The following TMEM63C variants were observed in gnomAD, a reference collection of about 807,000 sequenced individuals.
TMEM63C encodes the protein transmembrane protein 63C.
A neutral mutation model predicts 99.2 loss-of-function variants in TMEM63C; 32 were observed. The ratio of observed to expected loss-of-function variants is 0.32; its 90% CI spans 0.24 to 0.43. The LOEUF is 0.43. TMEM63C is among the 20% of genes least tolerant of loss of function. The pLI, the probability that TMEM63C is intolerant of heterozygous loss-of-function variation, is 1.00. For missense variants in TMEM63C, 826 were observed against 1,053.0 expected (o/e 0.78, Z 2.98); for synonymous variants, 376 against 397.9 (o/e 0.94, Z 0.66).
chr14:77,247,912 C>T (rs1035680596), intron 18 of TMEM63C, among the ~76,000 whole-genome samples: 1 of 152,136 alleles, frequency 6.6e-6, no homozygotes, highest in Non-Finnish European at 1.5e-5. Flanking sequence ...GCCGTATTGC[C>T]CACATTCTTA....
intron 8 of TMEM63C, 113 bp downstream of exon 8, chr14:77,233,613 G>A: frequency 9.1e-7 from 1 of 1,103,774 alleles, no homozygotes; most frequent in Non-Finnish European, 1.3e-6. Context: ...AGAAAGGCCT[G>A]GTTTCCCTGG....
In TMEM63C at chr14:77,240,619, G is replaced by A. The variant is rs1889151197; in HGVS notation, c.1064+11G>A. 6.2e-7 allele frequency: 1 copy of A among 1,606,332 alleles called. No homozygotes were observed. The highest frequency in any genetic ancestry group is 8.5e-7 in the Non-Finnish European group (1 of 1,179,654). Reference sequence around the variant, plus strand: ...CAGGATGGCCAAGCGGTGAGCACCAGGCAGGCGCCCCACCCAGCCCCAAGC... The same window carrying A: ...CAGGATGGCCAAGCGGTGAGCACCAAGCAGGCGCCCCACCCAGCCCCAAGC... On this transcript the variant is annotated intron_variant, in intron 13 of 23. Coordinates refer to ENST00000298351, the MANE Select transcript of TMEM63C (RefSeq NM_020431.4).
chr14:77,195,628 C>T lies in TMEM63C; in HGVS notation c.-77+13734C>T, dbSNP rs118018990. Among the ~76,000 whole-genome samples the T allele has an allele frequency of 6.3e-4, 96 of 152,286 alleles. No individual in the cohort carries two copies. The East Asian group carries it at 0.018, about 29-fold the overall frequency. ...ATGTGTATGACCCCTTTGACCTCCC[C>T]CAGCTCAACCCTGCTGGCATTGTCT... On this transcript the variant is annotated intron_variant, in intron 1 of 23. Coordinates refer to ENST00000298351, the MANE Select transcript of TMEM63C (RefSeq NM_020431.4).
intron 1 of TMEM63C, among the ~76,000 whole-genome samples, chr14:77,194,495 T>TTC (rs1256962363): frequency 0.012 from 368 of 30,198 alleles, 5 homozygotes; most frequent in African/African-American, 0.048. Flanking sequence ...TATTTCTTTT[T>TTC]TCTTTCTTTC....
intron 13 of TMEM63C, 90 bp downstream of exon 13, chr14:77,240,698 G>T: frequency 3.3e-6 from 5 of 1,505,164 alleles, no homozygotes; most frequent in Non-Finnish European, 4.5e-6. Flanking sequence ...TTCCCCTTCT[G>T]CCTCCCCTGG....
Position 77,218,943 on chromosome 14 carries a change from C to G in TMEM63C, c.130C>G (p.Leu44Val). The G allele has an allele frequency of 1.3e-6, 2 of 1,599,948 alleles. No individual in the cohort carries two copies. Among genetic ancestry groups the G allele is most frequent in the Non-Finnish European group, 1.7e-6 (2 of 1,173,270 alleles). Reference sequence around the variant, plus strand: ...TGGGGGTGTCCCCACCGTGCTGTGCCTCAACATCGCCCTGTGGGTGGTGAG... The same window carrying G: ...TGGGGGTGTCCCCACCGTGCTGTGCGTCAACATCGCCCTGTGGGTGGTGAG... ...PFGGVPTVLC[L>V]NIALWVLVLV... Residue 44 changes from leucine to valine, a missense_variant, in exon 3 of 24, where the codon CTC (leucine) becomes GTC (valine). Transcript: ENST00000298351.
Position 77,256,813 on chromosome 14 carries a change from C to A in TMEM63C, c.*87C>A. The A allele has an allele frequency of 8.0e-7, 1 of 1,255,156 alleles. No individual in the cohort carries two copies. The highest frequency in any genetic ancestry group is 1.1e-6 in the Non-Finnish European group (1 of 889,688). 77.8% of individuals were successfully genotyped at this position (1,255,156 alleles called of 1,614,324 possible). A position where few individuals can be genotyped will look rare whatever the true frequency, so the allele number is the denominator to read the frequency against. ...AGGCAGGAGGGTGGCCTGGACCTCC[C>A]CACTACCTCCTGCAGACTTTGAGAA... is the stretch of plus-strand genomic sequence containing the variant. On this transcript the variant is annotated 3_prime_UTR_variant, in exon 24 of 24. Transcript: ENST00000298351.
rs747134782 is a variant in TMEM63C, at chr14:77,249,278, C to T, written c.1871-13C>T. On this transcript the variant is annotated splice_polypyrimidine_tract_variant and intron_variant, in intron 20 of 23. Transcript: ENST00000298351. Reference sequence around the variant, plus strand: ...AAGGGGCCACTGAGTAAGTTTCCACCTTTGTCCCCCAGGGTTGCTCTACCT... The same window carrying T: ...AAGGGGCCACTGAGTAAGTTTCCACTTTTGTCCCCCAGGGTTGCTCTACCT... The T allele has an allele frequency of 1.2e-6, 2 of 1,613,188 alleles. No homozygotes were observed. Among genetic ancestry groups the T allele is most frequent in the East Asian group, 4.5e-5 (2 of 44,888 alleles).
Position 77,257,373 on chromosome 14 carries a change from C to T in TMEM63C, c.*647C>T, listed in dbSNP as rs1889484971. On this transcript the variant is annotated 3_prime_UTR_variant, in exon 24 of 24. Transcript: ENST00000298351. ...CTGCTCCTCTGCCCTCATCAGATGTCCCCAGGAGCAGCAGGGCAGAGGCCC... is the reference window on the plus strand; with the variant it reads ...CTGCTCCTCTGCCCTCATCAGATGTTCCCAGGAGCAGCAGGGCAGAGGCCC... 1 of 152,340 alleles carries T rather than the reference C, an allele frequency of 6.6e-6. No individual in the cohort carries two copies. Among genetic ancestry groups the T allele is most frequent in the African/African-American group, 2.4e-5 (1 of 41,464 alleles). 9.4% of individuals were successfully genotyped at this position (152,340 alleles called of 1,614,324 possible). A position where few individuals can be genotyped will look rare whatever the true frequency, so the allele number is the denominator to read the frequency against.
In TMEM63C at chr14:77,236,624, G is replaced by T; in HGVS notation, c.543G>T (p.Glu181Asp). The T allele has an allele frequency of 6.2e-7, 1 of 1,610,468 alleles. No individual in the cohort carries two copies. The change falls in exon 9 of 24, where the codon GAG (glutamate) becomes GAT (aspartate). Residue 181 changes from glutamate (E) to aspartate (D), a missense_variant and splice_region_variant. By Grantham distance (45) the Glu-to-Asp change is conservative. Coordinates refer to ENST00000298351, the MANE Select transcript of TMEM63C (RefSeq NM_020431.4). The stretch of plus-strand genomic sequence containing the variant: ...ACTGCTGCTGCCTCCCTCCCTGCAG[G>T]AGCAAGCTCCTGTGGCTGCATAGCC... ...ARTTIVNVSTESKLLWLHSLL... is the reference protein window; with the variant it reads ...ARTTIVNVSTDSKLLWLHSLL...
At chr14:77,187,937 G>A (rs1045935905) in intron 1 of TMEM63C, among the ~76,000 whole-genome samples, 1 of 152,218 alleles carries the variant, frequency 6.6e-6, no homozygotes, top group Admixed American at 6.5e-5. Flanking sequence ...GGGGTTATTT[G>A]TGTGTGGGGC....
At chr14:77,230,841 G>A (rs973564251) in intron 6 of TMEM63C, among the ~76,000 whole-genome samples, 2 of 152,122 alleles carry the variant, frequency 1.3e-5, no homozygotes, top group African/African-American at 4.8e-5. Context: ...ATATATCACA[G>A]TTCTTGTGTC....
intron 21 of TMEM63C, among the ~76,000 whole-genome samples, chr14:77,251,132 G>A (rs913529413): frequency 9.2e-5 from 14 of 152,202 alleles, no homozygotes; most frequent in Non-Finnish European, 1.9e-4. Context: ...GACTGAACAC[G>A]TAGGTGCCTT....
chr14:77,214,874 C>A (rs569426068), intron 2 of TMEM63C, among the ~76,000 whole-genome samples: 2 of 152,172 alleles, frequency 1.3e-5, no homozygotes, highest in Non-Finnish European at 2.9e-5. Context: ...ACTTACTAGC[C>A]GTCCACAATT....
At chr14:77,216,118 A>AAGAG (rs1157922019) in intron 2 of TMEM63C, among the ~76,000 whole-genome samples, 2 of 52,714 alleles carry the variant, frequency 3.8e-5, no homozygotes, top group East Asian at 1.2e-3. Context: ...GAAGGAAGGA[A>AAGAG]GGAGGGAGGG....
chr14:77,240,377 AC>A, intron 12 of TMEM63C, 97 bp from the exon 13 acceptor site: 10 of 1,416,016 alleles, frequency 7.1e-6, no homozygotes, highest in African/African-American at 1.4e-5. Context: ...CTTCAAGGCC[AC>A]CACAATCCAG....
At chr14:77,191,625 A>G (rs1594848294) in intron 1 of TMEM63C, among the ~76,000 whole-genome samples, 1 of 137,920 alleles carries the variant, frequency 7.3e-6, no homozygotes, top group Admixed American at 7.9e-5. Context: ...GCTCACCACA[A>G]CCTCCACCTC....
At chr14:77,244,213 C>A in intron 15 of TMEM63C, 136 bp from the exon 16 acceptor site, 1 of 681,614 alleles carries the variant, frequency 1.5e-6, no homozygotes. Flanking sequence ...CCAGGAAAGC[C>A]AGTGAGAAGG....
At chr14:77,189,165 A>G (rs1244332742) in intron 1 of TMEM63C, among the ~76,000 whole-genome samples, 1 of 150,984 alleles carries the variant, frequency 6.6e-6, no homozygotes, top group African/African-American at 2.4e-5. Context: ...GCTAGAGTGG[A>G]GTGGTGCGAT....
Sources: gnomAD v4.1 joint callset for allele counts (sites outside exome capture counted in the v4.1 genomes callset) on GRCh38, gnomAD v4.1.1 for gene constraint, MANE v1.5 for transcripts, NCBI Gene and HGNC (gene_info 2026-07-23, HGNC 2026-07-21) for gene names.